CTNNA2: variants seen among roughly 807,000 people sequenced by gnomAD.
CTNNA2 encodes the protein catenin alpha 2.
CTNNA2 carries 42 observed loss-of-function variants against 101.0 expected under a neutral mutation model. The ratio of observed to expected loss-of-function variants is 0.42; its 90% CI spans 0.32 to 0.54. The LOEUF is 0.54. CTNNA2 is among the 20% of genes least tolerant of loss of function. The pLI is 0.14. For missense variants in CTNNA2, 871 were observed against 1,223.1 expected, an observed-to-expected ratio of 0.71 and a Z score of 4.29; for synonymous variants, 450 against 456.4, an observed-to-expected ratio of 0.99 and a Z score of 0.18.
At chr2:80,200,461 G>T (rs1022788149) in intron 7 of CTNNA2, among the ~76,000 whole-genome samples, 2 of 152,126 alleles carry the variant, frequency 1.3e-5, no homozygotes, top group Non-Finnish European at 2.9e-5. Flanking sequence ...TATGAGAATA[G>T]TGTGTATATG....
rs1678684754 is a variant in CTNNA2, at chr2:79,434,073, C to T, written c.-135+60060C>T. Among the ~76,000 whole-genome samples the T allele has an allele frequency of 2.6e-5, 4 of 152,002 alleles. No individual in the cohort carries two copies. The South Asian group carries it at 8.3e-4, about 31-fold the overall frequency. ...CTTTGGGAGACCAAGGCAGGTGGCT[C>T]ATTTGAGCCCAGGATTTCGAGACCA... On this transcript the variant is annotated intron_variant, in intron 4 of 21. Transcript: ENST00000466387.
intron 7 of CTNNA2, among the ~76,000 whole-genome samples, chr2:79,982,543 G>T (rs966544604): frequency 6.8e-6 from 1 of 148,018 alleles, no homozygotes; most frequent in East Asian, 2.0e-4. Flanking sequence ...TAGAAATGGG[G>T]TCTCTCCATG....
chr2:79,892,688 C>T (rs769023738), intron 6 of CTNNA2, among the ~76,000 whole-genome samples: 5 of 152,158 alleles, frequency 3.3e-5, no homozygotes, highest in Admixed American at 1.3e-4. Context: ...CCATTCATTT[C>T]TGAAGATAAC....
At chr2:80,261,833 C>G (rs1251982341) in intron 7 of CTNNA2, among the ~76,000 whole-genome samples, 1 of 152,128 alleles carries the variant, frequency 6.6e-6, no homozygotes, top group Non-Finnish European at 1.5e-5. Flanking sequence ...GGTTTTCTCC[C>G]TATGCCTAAA....
chr2:79,710,427 G>T (rs1255729163), intron 2 of CTNNA2, among the ~76,000 whole-genome samples: 1 of 152,138 alleles, frequency 6.6e-6, no homozygotes, highest in Non-Finnish European at 1.5e-5. Flanking sequence ...CTAGGAATAT[G>T]CATGAAGGAC....
At chr2:79,596,006 TC>T (rs1314924247) in intron 1 of CTNNA2, among the ~76,000 whole-genome samples, 1 of 151,382 alleles carries the variant, frequency 6.6e-6, no homozygotes, top group Non-Finnish European at 1.5e-5. Flanking sequence ...TCTATTCCCG[TC>T]CTCTGGAAAA....
intron 7 of CTNNA2, among the ~76,000 whole-genome samples, chr2:80,043,021 TTC>T (rs199653973): frequency 0.075 from 3,680 of 49,300 alleles, 174 homozygotes; most frequent in African/African-American, 0.25. Context: ...TTCTTTCCCT[TTC>T]TTTCTTTCTT....
At chr2:80,598,664 T>A (rs1345690783) in intron 15 of CTNNA2, among the ~76,000 whole-genome samples, 4 of 145,116 alleles carry the variant, frequency 2.8e-5, no homozygotes, top group African/African-American at 1.0e-4. Context: ...GTTAAATGGT[T>A]AAGCAAACTA....
intron 4 of CTNNA2, among the ~76,000 whole-genome samples, chr2:79,442,844 A>G (rs1340811259): frequency 2.6e-5 from 4 of 152,074 alleles, no homozygotes; most frequent in African/African-American, 9.7e-5. Context: ...GGTAATGACT[A>G]CTGTCAGGGC....
chr2:80,052,955 T>A (rs1696975998), intron 7 of CTNNA2, among the ~76,000 whole-genome samples: 1 of 152,214 alleles, frequency 6.6e-6, no homozygotes, highest in South Asian at 2.1e-4. Flanking sequence ...TTTGACTTTA[T>A]ATCTTTTTCT....
intron 1 of CTNNA2, among the ~76,000 whole-genome samples, chr2:79,579,318 T>C (rs971533147): frequency 4.8e-5 from 7 of 147,278 alleles, no homozygotes. Flanking sequence ...ATTCTAATCA[T>C]TTTTTTTATC....
chr2:80,435,074 G>A (rs77411937), intron 9 of CTNNA2, among the ~76,000 whole-genome samples: 5,291 of 152,216 alleles, frequency 0.035, 165 homozygotes, highest in East Asian at 0.15. Context: ...ATGTTTAGTA[G>A]CATCTCTGGC....
intron 2 of CTNNA2, among the ~76,000 whole-genome samples, chr2:79,651,999 G>A (rs932210686): frequency 3.9e-5 from 6 of 152,070 alleles, no homozygotes; most frequent in African/African-American, 7.2e-5. Flanking sequence ...GAAAAACTGT[G>A]TTGACTATAC....
chr2:79,389,125 G>A (rs907270627), intron 4 of CTNNA2, among the ~76,000 whole-genome samples: 9 of 152,176 alleles, frequency 5.9e-5, no homozygotes, highest in Admixed American at 2.0e-4. Context: ...GGGAGAACAT[G>A]TTGATACCAA....
chr2:79,573,084 T>A (rs1214093047), intron 1 of CTNNA2, among the ~76,000 whole-genome samples: 1 of 152,200 alleles, frequency 6.6e-6, no homozygotes, highest in African/African-American at 2.4e-5. Flanking sequence ...ATACCGCTTA[T>A]GAACTCTTCA....
chr2:79,742,129 A>T (rs1671329328), intron 2 of CTNNA2, among the ~76,000 whole-genome samples: 1 of 152,154 alleles, frequency 6.6e-6, no homozygotes, highest in African/African-American at 2.4e-5. Context: ...GACATTTTCT[A>T]CTGGCTTGCT....
intron 7 of CTNNA2, among the ~76,000 whole-genome samples, chr2:80,099,042 A>G (rs986507843): frequency 8.6e-5 from 13 of 151,846 alleles, no homozygotes; most frequent in African/African-American, 3.1e-4. Context: ...CTCCCCAGTG[A>G]GATGAACCCG....
At chr2:79,236,950 T>C (rs952093305) in intron 2 of CTNNA2, among the ~76,000 whole-genome samples, 1 of 152,244 alleles carries the variant, frequency 6.6e-6, no homozygotes, top group Non-Finnish European at 1.5e-5. Flanking sequence ...AATCAACTTC[T>C]TTCAAATTCC....
chr2:79,713,948 C>T (rs1685906164), intron 2 of CTNNA2, among the ~76,000 whole-genome samples: 1 of 152,162 alleles, frequency 6.6e-6, no homozygotes, highest in African/African-American at 2.4e-5. Context: ...CCTGAATTTA[C>T]TCATATGTCT....
Sources: allele counts gnomAD v4.1 joint callset (sites outside exome capture counted in the v4.1 genomes callset), GRCh38; gene constraint gnomAD v4.1.1; transcripts MANE v1.5; gene names NCBI Gene and HGNC (gene_info 2026-07-23, HGNC 2026-07-21).